Variants in ETS1 observed in about 807,000 individuals in gnomAD.
The protein encoded by ETS1 is protein C-ets-1.
A neutral mutation model predicts 58.6 loss-of-function variants in ETS1; 15 were observed. That is an observed-to-expected ratio of 0.26 (90% confidence interval 0.17 to 0.39). ETS1 has a LOEUF of 0.39. Among genes scored for constraint, ETS1 ranks in the 10% least tolerant of loss-of-function variants. ETS1 has a pLI of 1.00. For synonymous variants in ETS1, 214 were observed against 218.2 expected (o/e 0.98, Z 0.17); for missense variants, 417 against 610.5 (o/e 0.68, Z 3.34).
intron 3 of ETS1, among the ~76,000 whole-genome samples, chr11:128,548,930 T>C (rs775588581): frequency 6.6e-6 from 1 of 152,184 alleles, no homozygotes; most frequent in South Asian, 2.1e-4. Context: ...CCCAAGTGTT[T>C]ACTCTCTGAA....
At chr11:128,465,180 C>T (rs1288346308) in intron 8 of ETS1, among the ~76,000 whole-genome samples, 1 of 152,176 alleles carries the variant, frequency 6.6e-6, no homozygotes, top group East Asian at 1.9e-4. Flanking sequence ...ACTTGCCACG[C>T]TAAATATGAA....
chr11:128,537,822 T>G (rs555698335), intron 3 of ETS1, among the ~76,000 whole-genome samples: 1 of 152,056 alleles, frequency 6.6e-6, no homozygotes, highest in Non-Finnish European at 1.5e-5. Context: ...CTGGGAAATA[T>G]TCCATTGTTT....
intron 3 of ETS1, among the ~76,000 whole-genome samples, chr11:128,539,032 G>A (rs1248004864): frequency 6.6e-6 from 1 of 152,186 alleles, no homozygotes; most frequent in Non-Finnish European, 1.5e-5. Context: ...CTAGACCTTT[G>A]TGCATAAAAG....
At chr11:128,569,492 A>G (rs759340813) in intron 2 of ETS1, among the ~76,000 whole-genome samples, 3 of 151,560 alleles carry the variant, frequency 2.0e-5, no homozygotes, top group Non-Finnish European at 4.4e-5. Flanking sequence ...TTTCTTATCT[A>G]GGAAAGTTAA....
chr11:128,462,610 G>A (rs772159155), intron 9 of ETS1, 34 bp from the exon 10 acceptor site: 29 of 1,574,360 alleles, frequency 1.8e-5, no homozygotes, highest in Non-Finnish European at 2.5e-5. Flanking sequence ...AGGAGGAGTA[G>A]GCAAAAATCT....
In ETS1 at chr11:128,466,849, A is replaced by G. The variant is rs181692097; in HGVS notation, c.1124-3222T>C. The stretch of plus-strand genomic sequence containing the variant: ...AGATACCTAAAGAAATAATGGGAAT[A>G]TGAATGGGAAGAAATCTCTCCCGTT... On this transcript the variant is annotated intron_variant, in intron 8 of 9. Coordinates refer to ENST00000392668, the MANE Select transcript of ETS1 (RefSeq NM_001143820.2). Among the ~76,000 whole-genome samples, 3 of 152,242 alleles carry G rather than the reference A, an allele frequency of 2.0e-5. No homozygotes were observed. In the East Asian group the frequency reaches 5.8e-4, roughly 29 times the overall value.
At chr11:128,548,668 C>G (rs888979577) in intron 3 of ETS1, among the ~76,000 whole-genome samples, 1 of 152,222 alleles carries the variant, frequency 6.6e-6, no homozygotes, top group African/African-American at 2.4e-5. Flanking sequence ...CTGCCACAGG[C>G]CGAAGGGCGA....
chr11:128,585,213 A>AGAAAGAAAGAAAGAAAGAAAGAAG (rs1865001515), intron 1 of ETS1, among the ~76,000 whole-genome samples: 1 of 139,820 alleles, frequency 7.2e-6, no homozygotes, highest in African/African-American at 3.0e-5. Context: ...AAAGAAAGAA[A>AGAAAGAAAGAAAGAAAGAAAGAAG]GAAAGAAAGA....
Position 128,480,333 on chromosome 11 carries a change from A to G in ETS1, c.981T>C (p.Tyr327=), listed in dbSNP as rs149102801. 2.2e-5 allele frequency: 36 copies of G among 1,614,022 alleles called. No individual in the cohort carries two copies. In the Middle Eastern group the frequency reaches 1.5e-3, roughly 66 times the overall value. The change falls in exon 8 of 10, where the codon TAT becomes TAC. Residue 327 remains tyrosine, a synonymous_variant. Transcript: ENST00000392668. ...GATAGTCCTCTGAGTCGAAGCTGTC[A>G]TAGGAGGGAACACGCTGCAGGCTGT... is the stretch of plus-strand genomic sequence containing the variant. ...SFNSLQRVPS[Y]DSFDSEDYPA...
intron 2 of ETS1, among the ~76,000 whole-genome samples, chr11:128,564,744 T>G (rs1415181189): frequency 6.6e-6 from 1 of 152,128 alleles, no homozygotes; most frequent in African/African-American, 2.4e-5. Context: ...GCATGAAGCC[T>G]TCAGAAGCCC....
intron 3 of ETS1, among the ~76,000 whole-genome samples, chr11:128,516,375 C>T (rs1863523933): frequency 6.6e-6 from 1 of 152,212 alleles, no homozygotes; most frequent in African/African-American, 2.4e-5. Context: ...ATACTGCAAA[C>T]ATAGAGGCAA....
At chr11:128,531,444 A>T (rs1863896112) in intron 3 of ETS1, among the ~76,000 whole-genome samples, 1 of 152,240 alleles carries the variant, frequency 6.6e-6, no homozygotes, top group East Asian at 1.9e-4. Context: ...AATTTTCATG[A>T]ATGTTAATCC....
chr11:128,535,125 T>C (rs2135535886), intron 3 of ETS1, among the ~76,000 whole-genome samples: 1 of 152,364 alleles, frequency 6.6e-6, no homozygotes, highest in East Asian at 1.9e-4. Context: ...TCATTCTGAC[T>C]GGCATGAGAT....
intron 1 of ETS1, among the ~76,000 whole-genome samples, chr11:128,576,502 C>T (rs774716796): frequency 1.1e-4 from 17 of 152,070 alleles, no homozygotes; most frequent in Non-Finnish European, 2.4e-4. Flanking sequence ...AAGATTTACT[C>T]CCCAGCGAAG....
At position 128,463,528 on chromosome 11, in the gene ETS1, T is replaced by C; in HGVS notation, c.1223A>G (p.Lys408Arg). The C allele has an allele frequency of 6.2e-7, 1 of 1,606,326 alleles. No individual in the cohort carries two copies. Residue 408 changes from lysine to arginine, a missense_variant, in exon 9 of 10, where the codon AAA becomes AGA. Lys to Arg is a conservative substitution (Grantham distance 26, BLOSUM62 2). Around this residue, in one of 4 missense-constraint regions of ETS1, gnomAD observed 56 missense variants for 156.1 expected, o/e 0.36. Transcript: ENST00000392668. The surrounding 1 kb of genome is among the most constrained non-coding windows in gnomAD (Gnocchi z 4.1). ...CCTTACCTCATCTGGGTCAGAAAGT[T>C]TGAATTCCCAGCCATCTCCTGTCCA... is the stretch of plus-strand genomic sequence containing the variant. Reference protein sequence around the residue: ...ISWTGDGWEFKLSDPDEVARR... With the variant: ...ISWTGDGWEFRLSDPDEVARR...
intron 3 of ETS1, among the ~76,000 whole-genome samples, chr11:128,551,747 G>T (rs766149745): frequency 6.6e-6 from 1 of 152,144 alleles, no homozygotes; most frequent in Non-Finnish European, 1.5e-5. Context: ...CTGACTCAAT[G>T]AAACCCAGTT....
rs973147083 is a variant in ETS1, at chr11:128,556,864, GA to G, written c.70-430del. The stretch of plus-strand genomic sequence containing the variant: ...AACAAGTAAATGATACATGCCAAAG[GA>G]AAAAAAAATGGACCTATGTAATAAA... On this transcript the variant is annotated intron_variant, in intron 2 of 9. Coordinates refer to ENST00000392668, the MANE Select transcript of ETS1 (RefSeq NM_001143820.2). 1.9e-4 allele frequency among the ~76,000 whole-genome samples: 28 copies of G among 150,536 alleles called. No homozygotes were observed. The East Asian group carries it at 3.3e-3, about 18-fold the overall frequency.
chr11:128,474,492 G>A (rs942951186), intron 8 of ETS1, among the ~76,000 whole-genome samples: 50 of 152,268 alleles, frequency 3.3e-4, no homozygotes, highest in African/African-American at 1.2e-3. Context: ...AATTAGATAG[G>A]AGGCAGAAAC....
At chr11:128,477,359 A>G (rs958587400) in intron 8 of ETS1, among the ~76,000 whole-genome samples, 3 of 152,250 alleles carry the variant, frequency 2.0e-5, no homozygotes, top group Admixed American at 2.0e-4. Context: ...ACAAGTCTAT[A>G]CAATGATTTC....
Sources: allele counts gnomAD v4.1 joint callset (sites outside exome capture counted in the v4.1 genomes callset), GRCh38; gene constraint gnomAD v4.1.1; regional missense constraint gnomAD v4.1.1; non-coding constraint Gnocchi (gnomAD v3.1); transcripts MANE v1.5; gene names NCBI Gene and HGNC (gene_info 2026-07-23, HGNC 2026-07-21).